Variants in PTPRK observed in about 807,000 individuals in gnomAD.
PTPRK encodes protein tyrosine phosphatase receptor type K.
Under a neutral mutation model 178.0 loss-of-function variants are expected in PTPRK, and 75 were observed. That is an observed-to-expected ratio of 0.42 (90% CI 0.35 to 0.51). The LOEUF (loss-of-function observed/expected upper bound fraction) is 0.51. Among genes scored for constraint, PTPRK ranks in the 20% least tolerant of loss-of-function variants. PTPRK has a pLI of 0.02. For missense variants in PTPRK, 1,441 were observed against 1,797.8 expected (o/e 0.80, Z 3.59); for synonymous variants, 637 against 620.6 (o/e 1.03, Z -0.39).
intron 1 of PTPRK, among the ~76,000 whole-genome samples, chr6:128,402,104 C>T (rs565116182): frequency 1.1e-4 from 17 of 152,014 alleles, no homozygotes; most frequent in African/African-American, 4.1e-4. Context: ...AAATTCATTA[C>T]AAAAAAGCCA....
intron 7 of PTPRK, among the ~76,000 whole-genome samples, chr6:128,138,673 A>G (rs1310635711): frequency 6.6e-6 from 1 of 151,990 alleles, no homozygotes; most frequent in Non-Finnish European, 1.5e-5. Flanking sequence ...TTGCTAATCA[A>G]TTTCACTTTT....
intron 7 of PTPRK, among the ~76,000 whole-genome samples, chr6:128,174,859 T>C (rs961502807): frequency 6.8e-6 from 1 of 146,744 alleles, no homozygotes; most frequent in South Asian, 2.1e-4. Flanking sequence ...TTTGTGCACA[T>C]CTATTATACA....
intron 1 of PTPRK, among the ~76,000 whole-genome samples, chr6:128,425,949 T>C (rs1361282623): frequency 6.6e-6 from 1 of 152,220 alleles, no homozygotes; most frequent in South Asian, 2.1e-4. Context: ...ATAAATAACA[T>C]TAAATACTTT....
intron 19 of PTPRK, among the ~76,000 whole-genome samples, chr6:127,992,261 G>C (rs983611666): frequency 6.6e-6 from 1 of 151,558 alleles, no homozygotes; most frequent in African/African-American, 2.4e-5. Context: ...TCAAAAAATT[G>C]CTCAGTATAA....
intron 3 of PTPRK, among the ~76,000 whole-genome samples, chr6:128,247,942 T>C (rs1486629753): frequency 1.3e-5 from 2 of 152,242 alleles, no homozygotes; most frequent in Non-Finnish European, 2.9e-5. Flanking sequence ...ATTCATGTTT[T>C]TTATTTTAAT....
At chr6:128,353,005 T>A (rs1020890239) in intron 2 of PTPRK, among the ~76,000 whole-genome samples, 1 of 152,092 alleles carries the variant, frequency 6.6e-6, no homozygotes, top group Non-Finnish European at 1.5e-5. Context: ...TACAGAACAT[T>A]AAAAATCTTG....
chr6:128,399,987 A>G (rs913800379), intron 1 of PTPRK, among the ~76,000 whole-genome samples: 5 of 152,240 alleles, frequency 3.3e-5, no homozygotes, highest in Non-Finnish European at 7.3e-5. Context: ...TCCAAGAGGC[A>G]TAAAATATAG....
chr6:128,305,824 A>G (rs1008956097), intron 3 of PTPRK, among the ~76,000 whole-genome samples: 1 of 152,252 alleles, frequency 6.6e-6, no homozygotes, highest in Non-Finnish European at 1.5e-5. Context: ...CCTTCTACTA[A>G]TCAATCCCTC....
At chr6:128,295,936 T>G (rs1824271186) in intron 3 of PTPRK, among the ~76,000 whole-genome samples, 1 of 152,140 alleles carries the variant, frequency 6.6e-6, no homozygotes, top group Non-Finnish European at 1.5e-5. Context: ...AAGTTTAGAC[T>G]TACATCCTTA....
chr6:128,057,161 T>A (rs896533621), intron 13 of PTPRK, among the ~76,000 whole-genome samples: 1 of 152,218 alleles, frequency 6.6e-6, no homozygotes, highest in African/African-American at 2.4e-5. Context: ...TTTTTCTACA[T>A]CCAATTTTCT....
At chr6:128,478,665 G>A (rs1230672853) in intron 1 of PTPRK, among the ~76,000 whole-genome samples, 1 of 152,046 alleles carries the variant, frequency 6.6e-6, no homozygotes. Context: ...GATGCCTTGG[G>A]TGTTTGCTAT....
chr6:128,066,811 T>C (rs1314555199), intron 12 of PTPRK, among the ~76,000 whole-genome samples: 1 of 152,176 alleles, frequency 6.6e-6, no homozygotes, highest in Non-Finnish European at 1.5e-5. Flanking sequence ...TTTTCCCACA[T>C]ACGGAACTGC....
intron 1 of PTPRK, among the ~76,000 whole-genome samples, chr6:128,479,409 C>T (rs1448339589): frequency 6.6e-6 from 1 of 152,104 alleles, no homozygotes; most frequent in East Asian, 1.9e-4. Flanking sequence ...TTATAAAATT[C>T]CATGTTGACT....
intron 2 of PTPRK, among the ~76,000 whole-genome samples, chr6:128,327,130 T>C (rs1352733992): frequency 6.6e-6 from 1 of 152,158 alleles, no homozygotes; most frequent in Non-Finnish European, 1.5e-5. Context: ...TAATCTAGTA[T>C]ATAGATGAAT....
intron 8 of PTPRK, 116 bp downstream of exon 8, chr6:128,089,574 A>G: frequency 8.8e-7 from 1 of 1,133,756 alleles, no homozygotes; most frequent in Non-Finnish European, 1.3e-6. Flanking sequence ...CATTAATAAC[A>G]TTTAGATGAT....
chr6:128,318,387 CA>C (rs2128319378), intron 3 of PTPRK, among the ~76,000 whole-genome samples: 1 of 152,076 alleles, frequency 6.6e-6, no homozygotes, highest in East Asian at 1.9e-4. Context: ...TAAAAGGAGA[CA>C]AAAACAGAAA....
chr6:127,987,699 C>T (rs188743920), intron 21 of PTPRK, among the ~76,000 whole-genome samples: 4 of 152,086 alleles, frequency 2.6e-5, no homozygotes, highest in African/African-American at 9.6e-5. Context: ...CTCTTGCTGC[C>T]TTATTTCATT....
intron 7 of PTPRK, among the ~76,000 whole-genome samples, chr6:128,182,133 A>C (rs564709832): frequency 6.6e-6 from 1 of 150,812 alleles, no homozygotes; most frequent in Non-Finnish European, 1.5e-5. Context: ...AAAACAAATA[A>C]ACTTAATACT....
At chr6:128,417,566 G>C (rs1024894931) in intron 1 of PTPRK, among the ~76,000 whole-genome samples, 2 of 152,142 alleles carry the variant, frequency 1.3e-5, no homozygotes, top group Non-Finnish European at 2.9e-5. Flanking sequence ...TAATGTGTTT[G>C]CATATCATTA....
Sources: allele counts gnomAD v4.1 joint callset (sites outside exome capture counted in the v4.1 genomes callset), GRCh38; gene constraint gnomAD v4.1.1; transcripts MANE v1.5; gene names NCBI Gene and HGNC (gene_info 2026-07-23, HGNC 2026-07-21).